Variants in HNF1B observed in about 807,000 individuals in gnomAD.
The protein encoded by HNF1B is hepatocyte nuclear factor 1-beta.
Under a neutral mutation model 61.7 loss-of-function variants are expected in HNF1B, and 8 were observed. That is an observed-to-expected ratio of 0.13 (90% CI 0.08 to 0.23). HNF1B has a LOEUF of 0.23. Ranked by LOEUF, HNF1B falls within the 10% of genes least tolerant of loss-of-function variation. The pLI, the probability that HNF1B is intolerant of heterozygous loss-of-function variation, is 1.00. For missense variants in HNF1B, 562 were observed against 714.5 expected, an observed-to-expected ratio of 0.79 and a Z score of 2.43; for synonymous variants, 314 against 287.7, an observed-to-expected ratio of 1.09 and a Z score of -0.93.
chr17:37,743,576 C>T (rs1024753367), intron 1 of HNF1B, among the ~76,000 whole-genome samples: 2 of 152,262 alleles, frequency 1.3e-5, no homozygotes, highest in South Asian at 2.1e-4. Flanking sequence ...GAAATCGCAG[C>T]GCTTCAGTGT....
rs2189302 is a variant in HNF1B, at chr17:37,700,878, T to C, written c.1534+105A>G. The C allele has an allele frequency of 5.8e-3, 6,205 of 1,066,974 alleles. 259 individuals are homozygous for C. In the African/African-American group the frequency reaches 0.085, roughly 15 times the overall value. The allele number at this position is 1,066,974 out of a possible 1,614,324, so 66.1% of individuals were successfully genotyped here. A position where few individuals can be genotyped will look rare whatever the true frequency, so the allele number is the denominator to read the frequency against. ...TCGGTTGATCATAGGCAGGGAAAAG[T>C]GACCAAGCCAATAAACTTCCGAGAA... On this transcript the variant is annotated intron_variant, in intron 7 of 8. Transcript: ENST00000617811.
chr17:37,708,824 C>T (rs1355540755), intron 5 of HNF1B, among the ~76,000 whole-genome samples: 5 of 152,186 alleles, frequency 3.3e-5, no homozygotes, highest in African/African-American at 1.2e-4. Flanking sequence ...GAGACCACGA[C>T]CAGGGCAAGC....
intron 4 of HNF1B, chr17:37,731,170 G>A: frequency 3.4e-6 from 1 of 295,048 alleles, no homozygotes. Flanking sequence ...CGAGGGGCAG[G>A]ATATGGCCAG....
intron 8 of HNF1B, among the ~76,000 whole-genome samples, chr17:37,698,024 AG>A (rs2032441760): frequency 6.8e-6 from 1 of 147,688 alleles, no homozygotes; most frequent in Non-Finnish European, 1.5e-5. Flanking sequence ...ACTGCACTCT[AG>A]GGCTGGAAGG....
intron 4 of HNF1B, among the ~76,000 whole-genome samples, chr17:37,723,208 G>A (rs1308011306): frequency 3.3e-5 from 5 of 151,854 alleles, no homozygotes; most frequent in African/African-American, 9.7e-5. Context: ...TTAGCCGGGC[G>A]TGGTGGTGGA....
intron 1 of HNF1B, among the ~76,000 whole-genome samples, chr17:37,742,407 ACTTTT>A (rs2147587079): frequency 6.6e-6 from 1 of 152,266 alleles, no homozygotes; most frequent in Admixed American, 6.5e-5. Context: ...CCAAAACGCG[ACTTTT>A]CTTTCTCTTT....
At chr17:37,701,775 T>C (rs146176838) in intron 6 of HNF1B, among the ~76,000 whole-genome samples, 2 of 152,250 alleles carry the variant, frequency 1.3e-5, no homozygotes, top group African/African-American at 2.4e-5. Flanking sequence ...ACACTGGAAC[T>C]CAGCCAGTCT....
intron 6 of HNF1B, 40 bp from the exon 7 acceptor site, chr17:37,701,217 G>A (rs1211297410): frequency 6.5e-7 from 1 of 1,534,348 alleles, no homozygotes; most frequent in Non-Finnish European, 8.8e-7. Flanking sequence ...CAGCTCCTGG[G>A]ATAAGGAGAG....
At chr17:37,733,515 T>C in intron 3 of HNF1B, 42 bp downstream of exon 3, 1 of 1,613,442 alleles carries the variant, frequency 6.2e-7, no homozygotes. Flanking sequence ...CCTGGGTCTG[T>C]GTACTTGCCC....
intron 4 of HNF1B, among the ~76,000 whole-genome samples, chr17:37,712,707 A>G (rs2032976424): frequency 6.6e-6 from 1 of 152,240 alleles, no homozygotes; most frequent in Non-Finnish European, 1.5e-5. Context: ...ATCTGTGATC[A>G]TGGGAAAATT....
rs749288624 is a variant in HNF1B at position 37,733,745 on chromosome 17, T to A, written c.621A>T (p.Pro207=). 5.0e-6 allele frequency: 8 copies of A among 1,614,066 alleles called. No homozygotes were observed. In the East Asian group the frequency reaches 1.6e-4, roughly 31 times the overall value. ...GCCCATGGCTCTGTTGACTGAACTC[T>A]GGAAAGAGAAACAGCAGCTGATCCT... ...SSQDQLLFLF[P]EFSQQSHGPG... The change falls in exon 3 of 9, where the codon CCA becomes CCT. Residue 207 remains proline, a synonymous_variant. Coordinates refer to ENST00000617811, the MANE Select transcript of HNF1B (RefSeq NM_000458.4).
At chr17:37,696,488 C>T (rs2032389404) in intron 8 of HNF1B, among the ~76,000 whole-genome samples, 1 of 152,080 alleles carries the variant, frequency 6.6e-6, no homozygotes, top group Admixed American at 6.5e-5. Context: ...GGGCCTCTCC[C>T]TTCTCCCTCC....
At chr17:37,689,312 C>G (rs757190112) in intron 8 of HNF1B, among the ~76,000 whole-genome samples, 1 of 152,242 alleles carries the variant, frequency 6.6e-6, no homozygotes, top group East Asian at 1.9e-4. Flanking sequence ...CTCTTTACTT[C>G]CCACTATCAG....
chr17:37,704,305 T>G (rs1231953549), intron 6 of HNF1B, among the ~76,000 whole-genome samples: 1 of 152,214 alleles, frequency 6.6e-6, no homozygotes, highest in Admixed American at 6.5e-5. Context: ...GCGTGTGATG[T>G]GCCAAAGCAA....
chr17:37,722,560 C>T (rs1427633150), intron 4 of HNF1B, among the ~76,000 whole-genome samples: 4 of 152,258 alleles, frequency 2.6e-5, no homozygotes, highest in African/African-American at 9.6e-5. Flanking sequence ...GGTAGGCTTC[C>T]CTTGGGAAAG....
intron 7 of HNF1B, among the ~76,000 whole-genome samples, chr17:37,699,434 C>T (rs1177713856): frequency 6.6e-6 from 1 of 152,202 alleles, no homozygotes; most frequent in Non-Finnish European, 1.5e-5. Context: ...TCTCAGAACA[C>T]AGGGCCTACC....
intron 2 of HNF1B, among the ~76,000 whole-genome samples, chr17:37,734,088 A>AT (rs1472620425): frequency 1.3e-5 from 2 of 151,972 alleles, no homozygotes; most frequent in Admixed American, 6.6e-5. Context: ...GAAAATTATT[A>AT]TTTTTTCCCC....
At chr17:37,718,566 C>T (rs763506258) in intron 4 of HNF1B, among the ~76,000 whole-genome samples, 6 of 152,294 alleles carry the variant, frequency 3.9e-5, no homozygotes, top group Admixed American at 1.3e-4. Flanking sequence ...CCAGCAAGTC[C>T]GTGGTATTCC....
chr17:37,727,788 T>G (rs1020309214), intron 4 of HNF1B, among the ~76,000 whole-genome samples: 6 of 152,154 alleles, frequency 3.9e-5, no homozygotes, highest in Non-Finnish European at 7.4e-5. Flanking sequence ...GAAAGGCTGC[T>G]CTTCCTCTCT....
Sources: allele counts gnomAD v4.1 joint callset (sites outside exome capture counted in the v4.1 genomes callset), GRCh38; gene constraint gnomAD v4.1.1; transcripts MANE v1.5; gene names NCBI Gene and HGNC (gene_info 2026-07-23, HGNC 2026-07-21).